DOCK5: variants seen among roughly 807,000 people sequenced by gnomAD.
DOCK5 encodes the protein dedicator of cytokinesis 5.
Under a neutral mutation model 251.8 loss-of-function variants are expected in DOCK5, and 142 were observed. The observed-to-expected ratio is 0.56, with a 90% CI of 0.49 to 0.65. The LOEUF (loss-of-function observed/expected upper bound fraction) is 0.65, where lower values mean the gene tolerates loss of function less well. Among genes scored for constraint, DOCK5 ranks in the 30% least tolerant of loss-of-function variants. The pLI, the probability that DOCK5 is intolerant of heterozygous loss-of-function variation, is 0.00. For missense variants in DOCK5, 2,111 were observed against 2,312.3 expected, an observed-to-expected ratio of 0.91 and a Z score of 1.79; for synonymous variants, 842 against 835.5, an observed-to-expected ratio of 1.01 and a Z score of -0.13.
intron 1 of DOCK5, among the ~76,000 whole-genome samples, chr8:25,221,539 C>A (rs1197586852): frequency 6.6e-6 from 1 of 152,082 alleles, no homozygotes; most frequent in Non-Finnish European, 1.5e-5. Flanking sequence ...AATCTCTTGA[C>A]CTTGTGATCC....
At chr8:25,373,744 C>T in intron 36 of DOCK5, 86 bp downstream of exon 36, 1 of 1,325,790 alleles carries the variant, frequency 7.5e-7, no homozygotes, top group African/African-American at 1.5e-5. Flanking sequence ...TTTCCCAACA[C>T]CGTGTTTGCT....
At chr8:25,224,541 T>C (rs1056203096) in intron 1 of DOCK5, among the ~76,000 whole-genome samples, 2 of 152,252 alleles carry the variant, frequency 1.3e-5, no homozygotes, top group Non-Finnish European at 2.9e-5. Context: ...TGAATCTTAC[T>C]AACTTGTTGT....
chr8:25,401,258 A>G (rs1346519944), intron 47 of DOCK5, among the ~76,000 whole-genome samples, 192 bp downstream of exon 47: 4 of 152,152 alleles, frequency 2.6e-5, no homozygotes, highest in African/African-American at 9.7e-5. Flanking sequence ...GAGGTTCTCC[A>G]ACTTGAACAA....
chr8:25,400,135 G>A (rs972148676), intron 46 of DOCK5, 141 bp downstream of exon 46: 1 of 663,976 alleles, frequency 1.5e-6, no homozygotes, highest in African/African-American at 1.8e-5. Flanking sequence ...ACCTATCTAT[G>A]TATTTGTTTG....
chr8:25,398,726 C>A (rs1472898884), intron 45 of DOCK5, among the ~76,000 whole-genome samples: 1 of 152,164 alleles, frequency 6.6e-6, no homozygotes, highest in African/African-American at 2.4e-5. Flanking sequence ...CAAATTTCCC[C>A]TTTTTATAAG....
chr8:25,195,090 T>C (rs1051972873), intron 1 of DOCK5, among the ~76,000 whole-genome samples: 1 of 151,592 alleles, frequency 6.6e-6, no homozygotes, highest in African/African-American at 2.4e-5. Flanking sequence ...CTGGCTAATT[T>C]TTGTATTTTT....
intron 28 of DOCK5, among the ~76,000 whole-genome samples, chr8:25,361,011 G>A (rs992471690): frequency 1.3e-5 from 2 of 152,086 alleles, no homozygotes; most frequent in African/African-American, 2.4e-5. Flanking sequence ...TTTAGTCCCC[G>A]GTGGCTGAGC....
intron 2 of DOCK5, among the ~76,000 whole-genome samples, chr8:25,257,788 T>C (rs576547476): frequency 6.6e-6 from 1 of 152,238 alleles, no homozygotes; most frequent in South Asian, 2.1e-4. Flanking sequence ...TACATCTCTC[T>C]CATTCGTCTT....
intron 1 of DOCK5, among the ~76,000 whole-genome samples, chr8:25,234,410 AC>A (rs1312672889): frequency 6.6e-6 from 1 of 152,158 alleles, no homozygotes; most frequent in Non-Finnish European, 1.5e-5. Context: ...TGATAAGGAG[AC>A]TTTATTTGCT....
intron 26 of DOCK5, among the ~76,000 whole-genome samples, chr8:25,350,153 G>C (rs139439753): frequency 6.6e-6 from 1 of 152,252 alleles, no homozygotes; most frequent in Admixed American, 6.5e-5. Context: ...ATCATTACAC[G>C]ATTACGTGGA....
intron 34 of DOCK5, 78 bp downstream of exon 34, chr8:25,369,719 A>G (rs1800840493): frequency 1.6e-6 from 2 of 1,234,790 alleles, no homozygotes; most frequent in South Asian, 1.4e-5. Flanking sequence ...TGTTTCACCA[A>G]TAGAGCAATT....
chr8:25,307,396 G>C (rs1466756229), intron 11 of DOCK5, among the ~76,000 whole-genome samples: 1 of 152,164 alleles, frequency 6.6e-6, no homozygotes, highest in Non-Finnish European at 1.5e-5. Flanking sequence ...TGGGATTACA[G>C]GTGTGAGCCA....
At chr8:25,213,513 TTTTG>T (rs1184630077) in intron 1 of DOCK5, among the ~76,000 whole-genome samples, 1 of 152,090 alleles carries the variant, frequency 6.6e-6, no homozygotes, top group East Asian at 1.9e-4. Context: ...ACCTGGTGTT[TTTTG>T]TTTGTTTGTT....
chr8:25,238,679 T>G (rs1184717614), intron 1 of DOCK5, among the ~76,000 whole-genome samples: 1 of 152,212 alleles, frequency 6.6e-6, no homozygotes, highest in Non-Finnish European at 1.5e-5. Flanking sequence ...AACCCTTTCT[T>G]GAGTGATGGG....
rs142016845 is a variant in DOCK5, at chr8:25,410,127, C to T, written c.5433C>T (p.Ile1811=). 6.1e-5 allele frequency: 98 copies of T among 1,613,468 alleles called. No individual in the cohort carries two copies. The African/African-American group carries it at 1.0e-3, about 16-fold the overall frequency. ...CCCCATCGTTGCAGACAGATGGAAT[C>T]GCGGCCACTCCTGTCCCACCTCCAC... ...LSSPSLQTDG[I]AATPVPPPPP... is the part of the protein sequence containing the mutation. Residue 1811 remains isoleucine (I), a synonymous_variant, in exon 51 of 52, where the codon ATC becomes ATT. Transcript: ENST00000276440.
intron 45 of DOCK5, among the ~76,000 whole-genome samples, chr8:25,396,780 G>A (rs1586393765): frequency 1.3e-5 from 1 of 76,026 alleles, no homozygotes; most frequent in East Asian, 3.9e-4. Context: ...GTGTGTGTGT[G>A]TGTGTGTGTG....
At chr8:25,367,696 C>T (rs905644292) in intron 31 of DOCK5, among the ~76,000 whole-genome samples, 4 of 152,152 alleles carry the variant, frequency 2.6e-5, no homozygotes, top group Non-Finnish European at 4.4e-5. Context: ...ATATTTATCC[C>T]TTTGTGGACA....
chr8:25,198,978 TTC>T (rs1224864631), intron 1 of DOCK5, among the ~76,000 whole-genome samples: 1 of 152,026 alleles, frequency 6.6e-6, no homozygotes, highest in Non-Finnish European at 1.5e-5. Flanking sequence ...TTTTTAAGAG[TTC>T]TAGGAAGGAA....
At chr8:25,314,170 G>T (rs1271137731) in intron 13 of DOCK5, among the ~76,000 whole-genome samples, 1 of 131,636 alleles carries the variant, frequency 7.6e-6, no homozygotes, top group African/African-American at 2.9e-5. Context: ...GAGTATAGTT[G>T]TGTGATGATA....
Sources: gnomAD v4.1 joint callset for allele counts (sites outside exome capture counted in the v4.1 genomes callset) on GRCh38, gnomAD v4.1.1 for gene constraint, MANE v1.5 for transcripts, NCBI Gene and HGNC (gene_info 2026-07-23, HGNC 2026-07-21) for gene names.